SLC8A1: variants seen among roughly 807,000 people sequenced by gnomAD.
SLC8A1 encodes the protein solute carrier family 8 member A1.
In SLC8A1, 18 loss-of-function variants were observed where a neutral mutation model predicts 68.3. The observed-to-expected ratio is 0.26, with a 90% CI of 0.18 to 0.39. The LOEUF (loss-of-function observed/expected upper bound fraction) is 0.39. Ranked by LOEUF, SLC8A1 falls within the 10% of genes least tolerant of loss-of-function variation. The probability of loss-of-function intolerance (pLI) is 1.00; values close to 1 mark genes in which losing one functional copy is unlikely to be tolerated. For missense variants in SLC8A1, 985 were observed against 1,156.7 expected (o/e 0.85, Z 2.15); for synonymous variants, 475 against 415.5 (o/e 1.14, Z -1.74).
At chr2:40,272,926 T>C (rs1252886500) in intron 2 of SLC8A1, among the ~76,000 whole-genome samples, 2 of 152,110 alleles carry the variant, frequency 1.3e-5, no homozygotes, top group African/African-American at 4.8e-5. Context: ...TGTAGGGACA[T>C]GCACACACTC....
intron 1 of SLC8A1, among the ~76,000 whole-genome samples, chr2:40,468,072 T>TTAA (rs1294244923): frequency 6.6e-6 from 1 of 152,088 alleles, no homozygotes; most frequent in East Asian, 1.9e-4. Context: ...AAATCTGTGT[T>TTAA]TAATCTTTTG....
chr2:40,506,518 T>C (rs1183839601), intron 1 of SLC8A1, among the ~76,000 whole-genome samples: 1 of 151,952 alleles, frequency 6.6e-6, no homozygotes, highest in Non-Finnish European at 1.5e-5. Flanking sequence ...TTTTAGCATA[T>C]TGGGTTCTTA....
chr2:40,376,542 C>T (rs1214523180), intron 2 of SLC8A1, among the ~76,000 whole-genome samples: 2 of 151,950 alleles, frequency 1.3e-5, no homozygotes, highest in Non-Finnish European at 2.9e-5. Context: ...AATGTTCATG[C>T]ATTTCAGTCA....
chr2:40,341,362 C>G (rs1211350391), intron 2 of SLC8A1, among the ~76,000 whole-genome samples: 1 of 152,178 alleles, frequency 6.6e-6, no homozygotes, highest in Non-Finnish European at 1.5e-5. Flanking sequence ...TGTCTTCTAA[C>G]TTGGCCCTGA....
chr2:40,157,154 G>T (rs1418082652), intron 6 of SLC8A1, among the ~76,000 whole-genome samples: 1 of 152,122 alleles, frequency 6.6e-6, no homozygotes, highest in Non-Finnish European at 1.5e-5. Context: ...CACAAAATTT[G>T]ATCATATTTT....
chr2:40,160,508 C>T (rs575287660), intron 6 of SLC8A1, among the ~76,000 whole-genome samples: 31 of 152,172 alleles, frequency 2.0e-4, no homozygotes, highest in African/African-American at 6.5e-4. Flanking sequence ...AGACACAAAA[C>T]GCTTTAAATT....
intron 2 of SLC8A1, among the ~76,000 whole-genome samples, chr2:40,202,602 T>C (rs531328955): frequency 2.0e-5 from 3 of 152,084 alleles, no homozygotes; most frequent in African/African-American, 7.2e-5. Flanking sequence ...TCTAAGCTAA[T>C]AGCATTTCTC....
intron 2 of SLC8A1, among the ~76,000 whole-genome samples, chr2:40,341,577 T>A (rs1404342596): frequency 6.6e-6 from 1 of 152,234 alleles, no homozygotes; most frequent in Non-Finnish European, 1.5e-5. Context: ...CAAAAAAGTT[T>A]TATTGTTTTC....
chr2:40,150,492 C>A (rs435923), intron 6 of SLC8A1, among the ~76,000 whole-genome samples: 52,851 of 152,042 alleles, frequency 0.35, 10,598 homozygotes, highest in African/African-American at 0.55. Flanking sequence ...TGCCTCACAC[C>A]TTGATTTGCA....
chr2:40,499,663 G>A (rs1037302229), intron 1 of SLC8A1, among the ~76,000 whole-genome samples: 5 of 152,058 alleles, frequency 3.3e-5, no homozygotes, highest in African/African-American at 1.2e-4. Flanking sequence ...AGGCAACAGT[G>A]TTCATCCCAG....
At chr2:40,318,925 G>T (rs367617926) in intron 2 of SLC8A1, among the ~76,000 whole-genome samples, 1 of 152,042 alleles carries the variant, frequency 6.6e-6, no homozygotes, top group African/African-American at 2.4e-5. Flanking sequence ...CTGGGGCAAA[G>T]AATTTCTGCA....
At chr2:40,098,438 C>T (rs886638165) in exon 8 of SLC8A1, 1 of 151,910 alleles carries the variant, frequency 6.6e-6, no homozygotes, top group Non-Finnish European at 1.5e-5. Flanking sequence ...ACCTTCTGTA[C>T]AACATTGTTA....
intron 2 of SLC8A1, among the ~76,000 whole-genome samples, chr2:40,324,815 A>T (rs567866223): frequency 6.6e-6 from 1 of 152,286 alleles, no homozygotes; most frequent in South Asian, 2.1e-4. Context: ...TGAACTAGAA[A>T]TGTCGCAGTA....
intron 7 of SLC8A1, among the ~76,000 whole-genome samples, chr2:40,121,618 G>T (rs1284611151): frequency 6.6e-6 from 1 of 152,116 alleles, no homozygotes; most frequent in Non-Finnish European, 1.5e-5. Context: ...CTGTTTGCCA[G>T]GTTGGAAGCT....
At chr2:40,164,595 T>TG (rs1423031921) in intron 5 of SLC8A1, among the ~76,000 whole-genome samples, 4 of 152,170 alleles carry the variant, frequency 2.6e-5, no homozygotes, top group Admixed American at 6.5e-5. Flanking sequence ...ACCTTCCCTT[T>TG]GGGGCACCTC....
intron 2 of SLC8A1, among the ~76,000 whole-genome samples, chr2:40,358,406 G>A (rs1342068281): frequency 6.6e-6 from 1 of 152,018 alleles, no homozygotes; most frequent in African/African-American, 2.4e-5. Flanking sequence ...CAGTACTATC[G>A]TTTCAGGTAC....
chr2:40,194,323 C>T (rs1403655552), intron 2 of SLC8A1, among the ~76,000 whole-genome samples: 1 of 151,994 alleles, frequency 6.6e-6, no homozygotes, highest in Admixed American at 6.6e-5. Context: ...ACATTATCTT[C>T]TACAGTATTT....
At chr2:40,133,866 C>T (rs533635264) in intron 7 of SLC8A1, among the ~76,000 whole-genome samples, 1 of 152,172 alleles carries the variant, frequency 6.6e-6, no homozygotes. Context: ...ATACCCAAGG[C>T]TTATCCAAGT....
intron 2 of SLC8A1, among the ~76,000 whole-genome samples, chr2:40,388,409 A>G (rs1684271196): frequency 6.6e-6 from 1 of 152,150 alleles, no homozygotes; most frequent in South Asian, 2.1e-4. Flanking sequence ...ATTCTACAGC[A>G]TTGCAAAAAG....
Sources: allele counts gnomAD v4.1 joint callset (sites outside exome capture counted in the v4.1 genomes callset), GRCh38; gene constraint gnomAD v4.1.1; transcripts MANE v1.5; gene names NCBI Gene and HGNC (gene_info 2026-07-23, HGNC 2026-07-21).